The following KLHL29 variants were observed in gnomAD, a reference collection of about 807,000 sequenced individuals.
KLHL29 encodes kelch like family member 29.
In KLHL29, 21 loss-of-function variants were observed where a neutral mutation model predicts 80.4. That is an observed-to-expected ratio of 0.26 (90% CI 0.19 to 0.38). KLHL29 has a LOEUF of 0.38. Ranked by LOEUF, KLHL29 falls within the 10% of genes least tolerant of loss-of-function variation. The probability of loss-of-function intolerance (pLI) is 1.00; values close to 1 mark genes in which losing one functional copy is unlikely to be tolerated. For missense variants in KLHL29, 867 were observed against 1,223.9 expected, an observed-to-expected ratio of 0.71 and a Z score of 4.35; for synonymous variants, 511 against 526.8, an observed-to-expected ratio of 0.97 and a Z score of 0.41.
At position 23,684,380 on chromosome 2, in the gene KLHL29, T is replaced by G; in HGVS notation, c.941-19T>G. 1 of 1,418,530 alleles carries G rather than the reference T, an allele frequency of 7.0e-7. No homozygotes were observed. The highest frequency in any genetic ancestry group is 9.3e-7 in the Non-Finnish European group (1 of 1,079,986). The allele number at this position is 1,418,530 out of a possible 1,614,324, so 87.9% of individuals were successfully genotyped here. A position where few individuals can be genotyped will look rare whatever the true frequency, so the allele number is the denominator to read the frequency against. ...CTCTTAATGGGAACCTGGCCCTGTC[T>G]GTCTTCTCTGTTCTGCAGAAATGTT... On this transcript the variant is annotated intron_variant, in intron 5 of 13. Transcript: ENST00000486442. The surrounding 1 kb of genome is among the most constrained non-coding windows in gnomAD (Gnocchi z 4.4).
chr2:23,428,613 C>T (rs1663069362), intron 1 of KLHL29, among the ~76,000 whole-genome samples: 1 of 152,184 alleles, frequency 6.6e-6, no homozygotes, highest in African/African-American at 2.4e-5. Flanking sequence ...CCCCCCGCCA[C>T]ACACACACTT....
intron 3 of KLHL29, among the ~76,000 whole-genome samples, chr2:23,576,028 C>T (rs548556164): frequency 1.2e-4 from 19 of 152,346 alleles, no homozygotes; most frequent in African/African-American, 4.1e-4. Context: ...AGGGGGGCCG[C>T]GCCCAGTGGC....
At chr2:23,563,331 G>A (rs1667499543) in intron 3 of KLHL29, among the ~76,000 whole-genome samples, 1 of 152,234 alleles carries the variant, frequency 6.6e-6, no homozygotes, top group Non-Finnish European at 1.5e-5. Context: ...CCGGGCCCCT[G>A]GCCATGGCTG....
intron 1 of KLHL29, among the ~76,000 whole-genome samples, chr2:23,435,638 A>G (rs1377985142): frequency 6.6e-6 from 1 of 152,206 alleles, no homozygotes; most frequent in Non-Finnish European, 1.5e-5. Flanking sequence ...TAAATGCCCG[A>G]ACTTAAATTA....
rs545824304 is a variant in KLHL29 at position 23,679,149 on chromosome 2, G to A, written c.941-5250G>A. On this transcript the variant is annotated intron_variant, in intron 5 of 13. Transcript: ENST00000486442. ...GCACTTGAGTCCATCATCTATTCAT[G>A]CCTTGTGTATCAGTTAGCTCTTGCT... 2.0e-5 allele frequency among the ~76,000 whole-genome samples: 3 copies of A among 152,112 alleles called. No individual in the cohort carries two copies. In the East Asian group the frequency reaches 5.8e-4, roughly 29 times the overall value.
intron 2 of KLHL29, among the ~76,000 whole-genome samples, chr2:23,561,048 A>G (rs1215678027): frequency 6.6e-6 from 1 of 152,198 alleles, no homozygotes; most frequent in Non-Finnish European, 1.5e-5. Context: ...AAACAGTTGG[A>G]GAATGGAAAA....
intron 2 of KLHL29, among the ~76,000 whole-genome samples, chr2:23,514,818 G>T (rs1246942240): frequency 6.6e-6 from 1 of 152,172 alleles, no homozygotes; most frequent in Non-Finnish European, 1.5e-5. Context: ...TATCCTTGCT[G>T]CTTTGGCTTC....
chr2:23,412,282 A>T (rs546437287), intron 1 of KLHL29, among the ~76,000 whole-genome samples: 1 of 152,262 alleles, frequency 6.6e-6, no homozygotes, highest in East Asian at 1.9e-4. Context: ...GAGGAATTTC[A>T]GAGAACTAAT....
At chr2:23,517,514 C>A (rs1357052894) in intron 2 of KLHL29, among the ~76,000 whole-genome samples, 1 of 152,252 alleles carries the variant, frequency 6.6e-6, no homozygotes, top group Non-Finnish European at 1.5e-5. Context: ...CTGCACTACT[C>A]CAGCCTGCCG....
chr2:23,627,760 G>A (rs1040578588), intron 3 of KLHL29, among the ~76,000 whole-genome samples: 7 of 152,030 alleles, frequency 4.6e-5, no homozygotes, highest in South Asian at 2.1e-4. Flanking sequence ...GCTCTCAGTC[G>A]ACTCCATGCT....
chr2:23,602,336 C>A (rs900198068), intron 3 of KLHL29, among the ~76,000 whole-genome samples: 1 of 152,182 alleles, frequency 6.6e-6, no homozygotes, highest in Non-Finnish European at 1.5e-5. Flanking sequence ...TTTCTCCTTG[C>A]GCTTTTCTTG....
chr2:23,596,200 T>G lies in KLHL29; in HGVS notation c.285+33719T>G, dbSNP rs954342752. On this transcript the variant is annotated intron_variant, in intron 3 of 13. Transcript: ENST00000486442. The surrounding 1 kb of genome is among the most constrained non-coding windows in gnomAD (Gnocchi z 4.4). ...CCGGGGGCGGGGCAGGGCAACAGCCTTGTACCCTGCTGCCATCTGCTTTGA... is the reference window on the plus strand; with the variant it reads ...CCGGGGGCGGGGCAGGGCAACAGCCGTGTACCCTGCTGCCATCTGCTTTGA... Among the ~76,000 whole-genome samples, 9 of 152,220 alleles carry G rather than the reference T, an allele frequency of 5.9e-5. No individual in the cohort carries two copies. The highest frequency in any genetic ancestry group is 1.7e-4 in the African/African-American group (7 of 41,462).
At chr2:23,488,977 G>T (rs1665012594) in intron 2 of KLHL29, among the ~76,000 whole-genome samples, 1 of 152,188 alleles carries the variant, frequency 6.6e-6, no homozygotes, top group Non-Finnish European at 1.5e-5. Flanking sequence ...TCGCTTCTGG[G>T]GTGGCTACTA....
At chr2:23,602,392 A>T (rs1051498030) in intron 3 of KLHL29, among the ~76,000 whole-genome samples, 1 of 152,132 alleles carries the variant, frequency 6.6e-6, no homozygotes, top group Admixed American at 6.5e-5. Context: ...TCCTGGAGAC[A>T]TTCTGTCCTG....
chr2:23,676,060 C>T (rs906086070), intron 5 of KLHL29, among the ~76,000 whole-genome samples: 2 of 152,154 alleles, frequency 1.3e-5, no homozygotes, highest in African/African-American at 4.8e-5. Flanking sequence ...GACAGACATT[C>T]CTCTGTAATA....
chr2:23,685,842 C>T (rs574278426), intron 6 of KLHL29, among the ~76,000 whole-genome samples: 3 of 152,304 alleles, frequency 2.0e-5, no homozygotes, highest in East Asian at 1.9e-4. Flanking sequence ...AGCAGGGGCC[C>T]GCATCGGGCT....
At chr2:23,521,011 C>A (rs536494363) in intron 2 of KLHL29, among the ~76,000 whole-genome samples, 1 of 152,214 alleles carries the variant, frequency 6.6e-6, no homozygotes, top group South Asian at 2.1e-4. Context: ...CCCGCTCCCC[C>A]TCAGGGGTGT....
chr2:23,470,431 T>A (rs1176102527), intron 1 of KLHL29, among the ~76,000 whole-genome samples: 1 of 152,254 alleles, frequency 6.6e-6, no homozygotes, highest in Non-Finnish European at 1.5e-5. Flanking sequence ...GCTCCCTCTT[T>A]GACTTGCTGT....
intron 5 of KLHL29, among the ~76,000 whole-genome samples, chr2:23,683,448 AC>A (rs374900722): frequency 0.011 from 1,723 of 152,308 alleles, 18 homozygotes; most frequent in Middle Eastern, 0.031. Context: ...GAAGGCCCTA[AC>A]TTTTGCCAAT....
Sources: allele counts gnomAD v4.1 joint callset (sites outside exome capture counted in the v4.1 genomes callset), GRCh38; gene constraint gnomAD v4.1.1; non-coding constraint Gnocchi (gnomAD v3.1); transcripts MANE v1.5; gene names NCBI Gene and HGNC (gene_info 2026-07-23, HGNC 2026-07-21).